Variants in SCARA5 observed in about 807,000 individuals in gnomAD.
SCARA5 encodes scavenger receptor class A, member 5 (putative).
A neutral mutation model predicts 46.3 loss-of-function variants in SCARA5; 45 were observed. That is an observed-to-expected ratio of 0.97 (90% CI 0.76 to 1.24). The LOEUF is 1.24. Among genes scored for constraint, SCARA5 ranks in the 50% most tolerant of loss-of-function variants. SCARA5 has a pLI of 0.00. For synonymous variants in SCARA5, 333 were observed against 306.5 expected, an observed-to-expected ratio of 1.09 and a Z score of -0.90; for missense variants, 680 against 689.0, an observed-to-expected ratio of 0.99 and a Z score of 0.15.
chr8:27,920,371 G>A (rs921503609), intron 4 of SCARA5, among the ~76,000 whole-genome samples: 1 of 152,114 alleles, frequency 6.6e-6, no homozygotes, highest in African/African-American at 2.4e-5. Context: ...CCAGTACTTT[G>A]GGAGGCTGAG....
intron 2 of SCARA5, among the ~76,000 whole-genome samples, chr8:27,984,896 C>T (rs1401363337): frequency 6.6e-6 from 1 of 152,138 alleles, no homozygotes; most frequent in Non-Finnish European, 1.5e-5. Flanking sequence ...CTCATTCATT[C>T]ATCCATCCAT....
chr8:27,951,297 A>G (rs1808122608), intron 3 of SCARA5, among the ~76,000 whole-genome samples: 1 of 152,232 alleles, frequency 6.6e-6, no homozygotes, highest in South Asian at 2.1e-4. Flanking sequence ...TGAGTGGAGC[A>G]GGAGGGCAGT....
chr8:27,945,349 C>G (rs1585505650), intron 3 of SCARA5, among the ~76,000 whole-genome samples: 1 of 152,156 alleles, frequency 6.6e-6, no homozygotes, highest in Admixed American at 6.5e-5. Flanking sequence ...AAACCCTCAA[C>G]CTTGCTTTAA....
chr8:27,982,611 G>T (rs2129976807), intron 2 of SCARA5, among the ~76,000 whole-genome samples: 1 of 152,312 alleles, frequency 6.6e-6, no homozygotes, highest in East Asian at 1.9e-4. Context: ...CATCAACAGT[G>T]GGCCCCGAGG....
intron 2 of SCARA5, among the ~76,000 whole-genome samples, chr8:27,967,923 G>A (rs944576422): frequency 6.6e-6 from 1 of 151,970 alleles, no homozygotes; most frequent in African/African-American, 2.4e-5. Flanking sequence ...GAAAGGAAAG[G>A]AAAAAGGAAA....
At chr8:27,918,865 G>A (rs1294503686) in intron 4 of SCARA5, among the ~76,000 whole-genome samples, 1 of 131,068 alleles carries the variant, frequency 7.6e-6, no homozygotes, top group Non-Finnish European at 1.7e-5. Context: ...AGGAGAAGGA[G>A]GAGGGGAAGA....
intron 2 of SCARA5, among the ~76,000 whole-genome samples, chr8:27,984,374 A>C (rs1194160859): frequency 2.0e-5 from 3 of 152,258 alleles, no homozygotes; most frequent in Non-Finnish European, 4.4e-5. Flanking sequence ...CCAACCTGGC[A>C]GCCAGGAATG....
chr8:27,891,298 A>G (rs1310976360), intron 7 of SCARA5, among the ~76,000 whole-genome samples: 1 of 151,304 alleles, frequency 6.6e-6, no homozygotes, highest in Non-Finnish European at 1.5e-5. Context: ...CTTCACCTCC[A>G]GAGTTCAAGT....
intron 2 of SCARA5, among the ~76,000 whole-genome samples, chr8:27,984,519 T>TTCATCCATCTATCCATTCAG (rs1808670978): frequency 6.6e-6 from 1 of 152,214 alleles, no homozygotes. Flanking sequence ...TATCCATTCA[T>TTCATCCATCTATCCATTCAG]TCATCCATCT....
intron 7 of SCARA5, among the ~76,000 whole-genome samples, chr8:27,886,927 A>T (rs2129692388): frequency 6.6e-6 from 1 of 152,220 alleles, no homozygotes; most frequent in Middle Eastern, 3.4e-3. Context: ...TTTTTTCCTC[A>T]GATGCCCCCC....
At chr8:27,908,781 G>A (rs1216048797) in intron 5 of SCARA5, among the ~76,000 whole-genome samples, 1 of 152,164 alleles carries the variant, frequency 6.6e-6, no homozygotes. Context: ...CCCCTGAGCA[G>A]CCTCAGTGCT....
chr8:27,901,216 C>CA (rs1417795788), intron 7 of SCARA5, among the ~76,000 whole-genome samples: 1 of 152,178 alleles, frequency 6.6e-6, no homozygotes, highest in East Asian at 1.9e-4. Flanking sequence ...GGGTGTCGGT[C>CA]ATGTTTTCTC....
intron 3 of SCARA5, among the ~76,000 whole-genome samples, chr8:27,949,259 T>C (rs1364079977): frequency 1.3e-5 from 2 of 152,254 alleles, no homozygotes; most frequent in Non-Finnish European, 2.9e-5. Flanking sequence ...CAGCAGGGAT[T>C]AGTGAGACGG....
At chr8:27,970,652 C>A (rs1479123306) in intron 2 of SCARA5, among the ~76,000 whole-genome samples, 3 of 152,164 alleles carry the variant, frequency 2.0e-5, no homozygotes, top group Non-Finnish European at 4.4e-5. Flanking sequence ...CTGCTACTGC[C>A]GTGCACTGCC....
intron 2 of SCARA5, among the ~76,000 whole-genome samples, chr8:27,984,529 T>TATCCATTCATTCATCC: frequency 6.7e-6 from 1 of 149,898 alleles, no homozygotes; most frequent in African/African-American, 2.4e-5. Flanking sequence ...TTCATCCATC[T>TATCCATTCATTCATCC]ATCCATTCAT....
chr8:27,905,193 G>A (rs532542194), intron 6 of SCARA5, among the ~76,000 whole-genome samples: 2 of 152,106 alleles, frequency 1.3e-5, no homozygotes, highest in Admixed American at 1.3e-4. Context: ...AGGAGAGGGG[G>A]CTTTAGTTAA....
chr8:27,987,707 C>T, intron 1 of SCARA5, 77 bp from the exon 2 acceptor site: 2 of 866,736 alleles, frequency 2.3e-6, no homozygotes, highest in Admixed American at 1.9e-5. Flanking sequence ...TAGGTGGAAA[C>T]AGAAGCAAAT....
At chr8:27,984,404 C>T (rs951682367) in intron 2 of SCARA5, among the ~76,000 whole-genome samples, 6 of 152,226 alleles carry the variant, frequency 3.9e-5, no homozygotes, top group Admixed American at 2.6e-4. Flanking sequence ...CCAGAGAATT[C>T]GGCAATCAGG....
rs190584525 is a variant in SCARA5 at position 27,944,855 on chromosome 8, G to A, written c.241+21559C>T. ...ACTGCACTCGTCTGGGCGACAGAGCGAGAGCCTGTCTCAAAAAAAAATAAT... is the reference window on the plus strand; with the variant it reads ...ACTGCACTCGTCTGGGCGACAGAGCAAGAGCCTGTCTCAAAAAAAAATAAT... On this transcript the variant is annotated intron_variant, in intron 3 of 8. Coordinates refer to ENST00000354914, the MANE Select transcript of SCARA5 (RefSeq NM_173833.6). Among the ~76,000 whole-genome samples the A allele has an allele frequency of 5.5e-3, 842 of 152,166 alleles. 2 individuals are homozygous for A. Among genetic ancestry groups the A allele is most frequent in the South Asian group, 0.01 (50 of 4,816 alleles).
Sources: gnomAD v4.1 joint callset for allele counts (sites outside exome capture counted in the v4.1 genomes callset) on GRCh38, gnomAD v4.1.1 for gene constraint, MANE v1.5 for transcripts, NCBI Gene and HGNC (gene_info 2026-07-23, HGNC 2026-07-21) for gene names.